The following DAW1 variants were observed in gnomAD, a reference collection of about 807,000 sequenced individuals.
DAW1 encodes the protein dynein assembly factor with WD repeats 1, also known as dynein assembly factor with WD repeat domains 1.
In DAW1, 47 loss-of-function variants were observed where a neutral mutation model predicts 56.5. The observed-to-expected ratio is 0.83, with a 90% CI of 0.66 to 1.06. The LOEUF is 1.06. Ranked by LOEUF, DAW1 falls within the 50% of genes least tolerant of loss-of-function variation. The pLI is 0.00. For missense variants in DAW1, 505 were observed against 499.3 expected (o/e 1.01, Z -0.11); for synonymous variants, 190 against 179.0 (o/e 1.06, Z -0.49).
intron 5 of DAW1, among the ~76,000 whole-genome samples, chr2:227,895,905 A>C (rs1401756703): frequency 6.6e-6 from 1 of 152,202 alleles, no homozygotes; most frequent in Non-Finnish European, 1.5e-5. Flanking sequence ...ATGACAATAC[A>C]CTCATGATAC....
chr2:227,915,040 G>A (rs946904091), intron 10 of DAW1, among the ~76,000 whole-genome samples: 1 of 151,968 alleles, frequency 6.6e-6, no homozygotes, highest in African/African-American at 2.4e-5. Flanking sequence ...ACTCCCTGAT[G>A]ACAGTGATGC....
At position 227,891,784 on chromosome 2, in the gene DAW1, A is replaced by G. The variant is rs111505404; in HGVS notation, c.317+471A>G. Among the ~76,000 whole-genome samples the G allele has an allele frequency of 2.8e-3, 426 of 152,322 alleles. 2 individuals are homozygous for G. Among genetic ancestry groups the G allele is most frequent in the Non-Finnish European group, 4.1e-3 (282 of 68,028 alleles). On this transcript the variant is annotated intron_variant, in intron 4 of 12. Transcript: ENST00000309931. ...GACCTACAGACATAAAATAAACACAAACTAGACATAAAATAAGCAGTTTGC... is the reference window on the plus strand; with the variant it reads ...GACCTACAGACATAAAATAAACACAGACTAGACATAAAATAAGCAGTTTGC...
intron 2 of DAW1, among the ~76,000 whole-genome samples, chr2:227,886,648 C>T (rs1691137280): frequency 6.6e-6 from 1 of 152,112 alleles, no homozygotes; most frequent in African/African-American, 2.4e-5. Flanking sequence ...TCATACAAAA[C>T]TCCACTTCAA....
intron 9 of DAW1, among the ~76,000 whole-genome samples, 184 bp downstream of exon 9, chr2:227,906,522 T>A (rs1403917602): frequency 6.6e-6 from 1 of 152,208 alleles, no homozygotes; most frequent in African/African-American, 2.4e-5. Flanking sequence ...GGAATTGTGA[T>A]GTAGTAAAGC....
At chr2:227,920,867 A>T (rs1052043713) in intron 11 of DAW1, among the ~76,000 whole-genome samples, 4 of 152,064 alleles carry the variant, frequency 2.6e-5, no homozygotes, top group African/African-American at 9.7e-5. Flanking sequence ...TTTAGTAGCG[A>T]CGGGGTTTCG....
In DAW1 at chr2:227,886,091, C is replaced by T. The variant is rs535610195; in HGVS notation, c.113+668C>T. Among the ~76,000 whole-genome samples, 5 of 151,814 alleles carry T rather than the reference C, an allele frequency of 3.3e-5. No individual in the cohort carries two copies. In the East Asian group the frequency reaches 5.8e-4, roughly 18 times the overall value. On this transcript the variant is annotated intron_variant, in intron 2 of 12. Coordinates refer to ENST00000309931, the MANE Select transcript of DAW1 (RefSeq NM_178821.3). ...CTGAGTTCAAGCGATTCTCTGTGCC[C>T]AACCAGTGACCTTTACATTTTTGAG... is the stretch of plus-strand genomic sequence containing the variant.
chr2:227,884,776 G>A (rs546124731), intron 1 of DAW1, among the ~76,000 whole-genome samples: 7 of 152,178 alleles, frequency 4.6e-5, no homozygotes, highest in Non-Finnish European at 1.0e-4. Context: ...GGATGTCACC[G>A]TTGCCCCTTT....
chr2:227,909,452 A>C (rs981274454), intron 10 of DAW1, among the ~76,000 whole-genome samples: 1 of 149,478 alleles, frequency 6.7e-6, no homozygotes, highest in Admixed American at 6.8e-5. Flanking sequence ...ATATAAATAC[A>C]CACACACATA....
chr2:227,918,319 A>G (rs1275643434), intron 10 of DAW1, among the ~76,000 whole-genome samples: 3 of 152,180 alleles, frequency 2.0e-5, no homozygotes, highest in African/African-American at 7.2e-5. Context: ...TTCTGTAGAA[A>G]AGGGTTTTTG....
chr2:227,922,295 T>TG (rs1269210897), intron 12 of DAW1, among the ~76,000 whole-genome samples: 5 of 152,216 alleles, frequency 3.3e-5, no homozygotes, highest in African/African-American at 4.8e-5. Flanking sequence ...CACTAATGTC[T>TG]GGGGGGAAAG....
At chr2:227,892,242 C>T (rs1251508359) in intron 4 of DAW1, among the ~76,000 whole-genome samples, 1 of 152,088 alleles carries the variant, frequency 6.6e-6, no homozygotes, top group Non-Finnish European at 1.5e-5. Flanking sequence ...AAGCAATTCT[C>T]CTGCCTCAGC....
intron 10 of DAW1, among the ~76,000 whole-genome samples, chr2:227,914,268 G>A (rs1021907204): frequency 6.6e-6 from 1 of 152,006 alleles, no homozygotes; most frequent in Non-Finnish European, 1.5e-5. Flanking sequence ...TGACCATAAT[G>A]TATGATGCTA....
intron 1 of DAW1, among the ~76,000 whole-genome samples, chr2:227,881,166 GA>G (rs1460969789): frequency 1.3e-5 from 2 of 152,208 alleles, no homozygotes; most frequent in Non-Finnish European, 2.9e-5. Context: ...GTGCTGTAAG[GA>G]CAGAGAATGT....
At chr2:227,922,465 A>G (rs1236493214) in intron 12 of DAW1, among the ~76,000 whole-genome samples, 1 of 152,240 alleles carries the variant, frequency 6.6e-6, no homozygotes, top group Non-Finnish European at 1.5e-5. Context: ...AGGCCTTGGC[A>G]GGGAATGGGT....
At chr2:227,894,866 G>A (rs1204617492) in intron 5 of DAW1, among the ~76,000 whole-genome samples, 1 of 152,222 alleles carries the variant, frequency 6.6e-6, no homozygotes, top group Non-Finnish European at 1.5e-5. Flanking sequence ...CTGATCAAGA[G>A]TTAGTTGTAT....
At chr2:227,906,142 G>C (rs372585340) in intron 8 of DAW1, 94 bp from the exon 9 acceptor site, 1 of 869,256 alleles carries the variant, frequency 1.2e-6, no homozygotes. Context: ...CCAGATTTTA[G>C]ATTAGCTTAC....
At chr2:227,876,718 T>C (rs538018189) in intron 1 of DAW1, among the ~76,000 whole-genome samples, 21 of 152,348 alleles carry the variant, frequency 1.4e-4, no homozygotes, top group African/African-American at 5.0e-4. Context: ...AAAGGCTAAA[T>C]GTACATGCCA....
intron 10 of DAW1, 136 bp from the exon 11 acceptor site, chr2:227,918,644 C>A (rs1692030661): frequency 1.1e-6 from 1 of 921,886 alleles, no homozygotes. Context: ...GTATCTGGCT[C>A]TCAACACAGG....
chr2:227,902,261 C>T (rs552275495), intron 6 of DAW1, among the ~76,000 whole-genome samples: 2 of 152,206 alleles, frequency 1.3e-5, no homozygotes, highest in African/African-American at 4.8e-5. Flanking sequence ...AAAATCCTTG[C>T]CTGATAAAAG....
Sources: allele counts gnomAD v4.1 joint callset (sites outside exome capture counted in the v4.1 genomes callset), GRCh38; gene constraint gnomAD v4.1.1; transcripts MANE v1.5; gene names NCBI Gene and HGNC (gene_info 2026-07-23, HGNC 2026-07-21).